CRX: variants seen among roughly 807,000 people sequenced by gnomAD.
CRX encodes the protein cone-rod homeobox protein.
Under a neutral mutation model 13.1 loss-of-function variants are expected in CRX, and 5 were observed. The observed-to-expected ratio is 0.38, with a 90% CI of 0.20 to 0.80. The LOEUF (loss-of-function observed/expected upper bound fraction) is 0.80. Among genes scored for constraint, CRX ranks in the 30% least tolerant of loss-of-function variants. CRX has a pLI of 0.43. For synonymous variants in CRX, 179 were observed against 171.1 expected (o/e 1.05, Z -0.36); for missense variants, 351 against 391.8 (o/e 0.90, Z 0.88).
Position 47,836,448 on chromosome 19 carries a change from C to T in CRX, c.252+54C>T, listed in dbSNP as rs1036208039. On this transcript the variant is annotated intron_variant, in intron 3 of 3. Coordinates refer to ENST00000221996, the MANE Select transcript of CRX (RefSeq NM_000554.6). ...CGACACTTCCTGTGATCTCAGGAGG[C>T]CTGCCCGGAACAAAGAGTGATGGGA... 1.1e-5 allele frequency: 17 copies of T among 1,607,760 alleles called. No homozygotes were observed. In the African/African-American group the frequency reaches 2.1e-4, roughly 20 times the overall value.
In CRX at chr19:47,842,905, G is replaced by A. The variant is rs1256624544; in HGVS notation, c.*2938G>A. 2.0e-5 allele frequency: 3 copies of A among 152,342 alleles called. No individual in the cohort carries two copies. The highest frequency in any genetic ancestry group is 6.6e-5 in the Admixed American group (1 of 15,260). 9.4% of individuals were successfully genotyped at this position (152,342 alleles called of 1,614,324 possible). ...AAGTCATAGAAACTTGATGGGAGTT[G>A]GGGAGGGACTGAAGGATGCATGCAA... On this transcript the variant is annotated 3_prime_UTR_variant, in exon 4 of 4. Coordinates refer to ENST00000221996, the MANE Select transcript of CRX (RefSeq NM_000554.6).
intron 1 of CRX, among the ~76,000 whole-genome samples, chr19:47,823,580 G>A (rs1368470982): frequency 6.6e-6 from 1 of 152,146 alleles, no homozygotes; most frequent in Non-Finnish European, 1.5e-5. Context: ...TGGCTGACAA[G>A]GGAGGGCCCT....
rs1599985527 is a variant in CRX at position 47,836,324 on chromosome 19, C to T, written c.182C>T (p.Thr61Ile). The change falls in exon 3 of 4, where the codon ACC becomes ATC. Residue 61 changes from threonine (T) to isoleucine (I), a missense_variant. Physicochemically the swap from Thr to Ile is moderately conservative, Grantham distance 89 (BLOSUM62 -1). Transcript: ENST00000221996. ...LEELEALFAK[T>I]QYPDVYAREE... ...GAGCTGGAGGCACTGTTTGCCAAGA[C>T]CCAGTACCCAGACGTCTATGCCCGT... The T allele has an allele frequency of 6.2e-7, 1 of 1,614,196 alleles. No individual in the cohort carries two copies. The highest frequency in any genetic ancestry group is 8.5e-7 in the Non-Finnish European group (1 of 1,180,034).
At chr19:47,832,533 T>A (rs1439566999) in intron 1 of CRX, among the ~76,000 whole-genome samples, 1 of 152,024 alleles carries the variant, frequency 6.6e-6, no homozygotes, top group African/African-American at 2.4e-5. Context: ...TAGCCCAGGC[T>A]GGGGTGTGGT....
At position 47,823,114 on chromosome 19, in the gene CRX, T is replaced by C. The variant is rs779566835; in HGVS notation, c.-36+1104T>C. 3.9e-5 allele frequency among the ~76,000 whole-genome samples: 6 copies of C among 152,158 alleles called. No homozygotes were observed. In the South Asian group the frequency reaches 1.2e-3, roughly 32 times the overall value. On this transcript the variant is annotated intron_variant, in intron 1 of 3. Coordinates refer to ENST00000221996, the MANE Select transcript of CRX (RefSeq NM_000554.6). ...CCCAGCCGGTCTCCTGCAAAACTCT[T>C]GATTGACACCTTGTTTCCCGTCTGC...
At chr19:47,822,752 C>T (rs1967927625) in intron 1 of CRX, among the ~76,000 whole-genome samples, 1 of 152,172 alleles carries the variant, frequency 6.6e-6, no homozygotes, top group Non-Finnish European at 1.5e-5. Flanking sequence ...GCCCTCTTAG[C>T]TTCCAGCACA....
At chr19:47,834,577 T>A in intron 2 of CRX, 34 bp downstream of exon 2, 3 of 1,579,230 alleles carry the variant, frequency 1.9e-6, no homozygotes, top group Non-Finnish European at 2.6e-6. Flanking sequence ...CACCCCAGGC[T>A]GGCCTCATCT....
At chr19:47,833,734 A>G (rs1968082680) in intron 1 of CRX, among the ~76,000 whole-genome samples, 1 of 151,820 alleles carries the variant, frequency 6.6e-6, no homozygotes, top group African/African-American at 2.4e-5. Context: ...GTCAACCTGC[A>G]GTCCTGGGTT....
At chr19:47,825,765 C>CAAAAAAAAAAAAAAAA (rs774130693) in intron 1 of CRX, among the ~76,000 whole-genome samples, 174 of 143,466 alleles carry the variant, frequency 1.2e-3, no homozygotes, top group African/African-American at 2.9e-3. Context: ...ACTAAAAATA[C>CAAAAAAAAAAAAAAAA]AAAAAAAAAA....
chr19:47,837,198 G>A (rs774863976), intron 3 of CRX, among the ~76,000 whole-genome samples: 1 of 152,114 alleles, frequency 6.6e-6, no homozygotes, highest in Non-Finnish European at 1.5e-5. Context: ...ATGGAGTCTC[G>A]CTCTGTCGCC....
chr19:47,827,358 C>T (rs923985135), intron 1 of CRX, among the ~76,000 whole-genome samples: 4 of 151,618 alleles, frequency 2.6e-5, no homozygotes, highest in Admixed American at 1.3e-4. Context: ...CTCAGGGTGA[C>T]GGTGTGAGAT....
At chr19:47,833,060 G>T (rs1443418100) in intron 1 of CRX, among the ~76,000 whole-genome samples, 6 of 67,086 alleles carry the variant, frequency 8.9e-5, no homozygotes, top group Non-Finnish European at 2.1e-4. Context: ...TGAGATAGGG[G>T]TCTATTTCTT....
At position 47,832,264 on chromosome 19, in the gene CRX, C is replaced by A. The variant is rs559876702; in HGVS notation, c.-35-2145C>A. On this transcript the variant is annotated intron_variant, in intron 1 of 3. Coordinates refer to ENST00000221996, the MANE Select transcript of CRX (RefSeq NM_000554.6). ...GGGATTACAGGCACGCGCCACCATG[C>A]CCGGCTAATTTTTGTATTTTCTGCA... Among the ~76,000 whole-genome samples the A allele has an allele frequency of 4.7e-5, 7 of 148,946 alleles. No individual in the cohort carries two copies. In the South Asian group the frequency reaches 1.5e-3, roughly 31 times the overall value.
At chr19:47,824,024 T>C (rs940518188) in intron 1 of CRX, among the ~76,000 whole-genome samples, 2 of 152,150 alleles carry the variant, frequency 1.3e-5, no homozygotes, top group Admixed American at 1.3e-4. Flanking sequence ...TGGGCCTTGG[T>C]TGCCTCCTCT....
intron 2 of CRX, 98 bp downstream of exon 2, chr19:47,834,641 C>T (rs772130144): frequency 1.0e-5 from 9 of 891,128 alleles, no homozygotes; most frequent in East Asian, 5.2e-5. Context: ...ATCACAGGGG[C>T]GACTTCAGGG....
Position 47,840,170 on chromosome 19 carries a change from A to G in CRX, c.*203A>G, listed in dbSNP as rs1050774658. The G allele has an allele frequency of 1.6e-6, 1 of 607,122 alleles. No homozygotes were observed. The highest frequency in any genetic ancestry group is 2.9e-6 in the Non-Finnish European group (1 of 343,948). The allele number at this position is 607,122 out of a possible 1,614,324, so 37.6% of individuals were successfully genotyped here. On this transcript the variant is annotated 3_prime_UTR_variant, in exon 4 of 4. Coordinates refer to ENST00000221996, the MANE Select transcript of CRX (RefSeq NM_000554.6). Reference sequence around the variant, plus strand: ...TCCTCCCTCTCCTGGGACAGCTCACAGGTCCTAGTGATTCTCTCAACCCTA... The same window carrying G: ...TCCTCCCTCTCCTGGGACAGCTCACGGGTCCTAGTGATTCTCTCAACCCTA...
At chr19:47,822,938 C>T (rs1414816904) in intron 1 of CRX, among the ~76,000 whole-genome samples, 4 of 152,200 alleles carry the variant, frequency 2.6e-5, no homozygotes, top group East Asian at 3.9e-4. Context: ...GAATTACAGG[C>T]GCGTGCCCCC....
intron 1 of CRX, among the ~76,000 whole-genome samples, chr19:47,829,267 C>T (rs1281415335): frequency 2.0e-5 from 3 of 151,820 alleles, no homozygotes; most frequent in African/African-American, 7.3e-5. Context: ...AGGCATGCAC[C>T]ACCATGCCTG....
chr19:47,825,962 C>T (rs535451006), intron 1 of CRX, among the ~76,000 whole-genome samples: 2 of 152,160 alleles, frequency 1.3e-5, no homozygotes, highest in African/African-American at 2.4e-5. Context: ...AAGTGGTGAT[C>T]GTAAATGTGA....
Sources: allele counts gnomAD v4.1 joint callset (sites outside exome capture counted in the v4.1 genomes callset), GRCh38; gene constraint gnomAD v4.1.1; transcripts MANE v1.5; gene names NCBI Gene and HGNC (gene_info 2026-07-23, HGNC 2026-07-21).